Variants in MBD5 observed in about 807,000 individuals in gnomAD.
The protein encoded by MBD5 is methyl-CpG-binding domain protein 5.
Under a neutral mutation model 117.3 loss-of-function variants are expected in MBD5, and 13 were observed. The ratio of observed to expected loss-of-function variants is 0.11; its 90% CI spans 0.07 to 0.18. The LOEUF is 0.18. Ranked by LOEUF, MBD5 falls within the 10% of genes least tolerant of loss-of-function variation. The pLI is 1.00. For synonymous variants in MBD5, 727 were observed against 766.4 expected, an observed-to-expected ratio of 0.95 and a Z score of 0.85; for missense variants, 1,879 against 2,093.8, an observed-to-expected ratio of 0.90 and a Z score of 2.00.
chr2:148,163,473 G>A (rs1192084858), intron 1 of MBD5, among the ~76,000 whole-genome samples: 1 of 152,064 alleles, frequency 6.6e-6, no homozygotes, highest in Non-Finnish European at 1.5e-5. Context: ...CCAGGCTGGA[G>A]TTCAATGGCG....
At chr2:148,300,693 A>G (rs1394477749) in intron 3 of MBD5, among the ~76,000 whole-genome samples, 1 of 152,154 alleles carries the variant, frequency 6.6e-6, no homozygotes, top group Non-Finnish European at 1.5e-5. Flanking sequence ...AATGCCAACT[A>G]CTTACTCTCC....
At chr2:148,290,758 A>C (rs1701482549) in intron 3 of MBD5, among the ~76,000 whole-genome samples, 1 of 152,224 alleles carries the variant, frequency 6.6e-6, no homozygotes, top group Admixed American at 6.5e-5. Flanking sequence ...TTTATTCATC[A>C]ATTGATGAAT....
chr2:148,070,015 C>T (rs1022618127), intron 1 of MBD5, among the ~76,000 whole-genome samples: 1 of 152,094 alleles, frequency 6.6e-6, no homozygotes, highest in Non-Finnish European at 1.5e-5. Context: ...TCACCCTGTT[C>T]GGCTGTGGAC....
intron 3 of MBD5, among the ~76,000 whole-genome samples, chr2:148,331,170 A>C (rs767769270): frequency 6.6e-6 from 1 of 152,196 alleles, no homozygotes; most frequent in Non-Finnish European, 1.5e-5. Context: ...ACAGCAATTC[A>C]TATGCAGCAC....
At chr2:148,412,492 A>C (rs1468480591) in intron 4 of MBD5, among the ~76,000 whole-genome samples, 2 of 152,008 alleles carry the variant, frequency 1.3e-5, no homozygotes, top group Admixed American at 6.6e-5. Flanking sequence ...TAATTCCATG[A>C]AGACTGTCAT....
Position 148,502,416 on chromosome 2 carries a change from G to T in MBD5, c.4963-20G>T, listed in dbSNP as rs199834272. ...TTACAGGTCTGGGTAATGTGGTTTG[G>T]TCTTCATACCTTCACTCAGGTGGAG... On this transcript the variant is annotated intron_variant, in intron 11 of 13. Transcript: ENST00000642680. The T allele has an allele frequency of 6.2e-7, 1 of 1,612,628 alleles. No homozygotes were observed. The highest frequency in any genetic ancestry group is 8.5e-7 in the Non-Finnish European group (1 of 1,178,908).
At chr2:148,084,283 AC>A (rs1695723195) in intron 1 of MBD5, among the ~76,000 whole-genome samples, 1 of 152,234 alleles carries the variant, frequency 6.6e-6, no homozygotes. Flanking sequence ...TTTAATCTTT[AC>A]ATTAGGATTA....
At chr2:148,327,363 C>A (rs899803039) in intron 3 of MBD5, among the ~76,000 whole-genome samples, 7 of 152,128 alleles carry the variant, frequency 4.6e-5, no homozygotes, top group African/African-American at 1.7e-4. Context: ...CTCTGTATTT[C>A]CTGAATCTGA....
chr2:148,201,139 G>A (rs561847654), intron 2 of MBD5, among the ~76,000 whole-genome samples: 1 of 152,278 alleles, frequency 6.6e-6, no homozygotes, highest in African/African-American at 2.4e-5. Flanking sequence ...GACACACCAG[G>A]CCATGCCTGG....
intron 1 of MBD5, among the ~76,000 whole-genome samples, chr2:148,101,078 T>A (rs1696202207): frequency 6.6e-6 from 1 of 152,200 alleles, no homozygotes; most frequent in Non-Finnish European, 1.5e-5. Flanking sequence ...ATAATGTCTT[T>A]GACCTTACTT....
At chr2:148,187,631 G>A (rs1417752633) in intron 2 of MBD5, among the ~76,000 whole-genome samples, 1 of 151,732 alleles carries the variant, frequency 6.6e-6, no homozygotes, top group Non-Finnish European at 1.5e-5. Flanking sequence ...CAAACCAGAA[G>A]ATAATGGAAT....
At chr2:148,468,283 T>A in intron 7 of MBD5, 58 bp from the exon 8 acceptor site, 7 of 1,405,358 alleles carry the variant, frequency 5.0e-6, no homozygotes, top group African/African-American at 1.4e-5. Context: ...CTTCCCTCCC[T>A]CCCACCACAA....
chr2:148,050,851 A>G (rs1470468175), intron 1 of MBD5, among the ~76,000 whole-genome samples: 1 of 152,204 alleles, frequency 6.6e-6, no homozygotes, highest in Non-Finnish European at 1.5e-5. Flanking sequence ...TTTCCTTACT[A>G]TAGTTTTTTT....
At position 148,079,174 on chromosome 2, in the gene MBD5, T is replaced by G. The variant is rs771602622; in HGVS notation, c.-925+57490T>G. On this transcript the variant is annotated intron_variant, in intron 1 of 13. Coordinates refer to ENST00000642680, the MANE Select transcript of MBD5 (RefSeq NM_001378120.1). ...GTGTCTAAAGTTATTCATTGCCACC[T>G]AAGCCAGTGCTAATTCATAAAATGC... is the stretch of plus-strand genomic sequence containing the variant. Among the ~76,000 whole-genome samples, 12 of 152,200 alleles carry G rather than the reference T, an allele frequency of 7.9e-5. 1 individual carries two copies. In the South Asian group the frequency reaches 8.3e-4, roughly 11 times the overall value.
At chr2:148,417,503 A>T (rs1705460077) in intron 4 of MBD5, among the ~76,000 whole-genome samples, 4 of 151,902 alleles carry the variant, frequency 2.6e-5, no homozygotes, top group Admixed American at 2.6e-4. Context: ...CAAATGGTAG[A>T]TCTATGTTTA....
intron 1 of MBD5, chr2:148,055,033 AT>A (rs1694819105): frequency 6.6e-6 from 1 of 152,176 alleles, no homozygotes; most frequent in Non-Finnish European, 1.5e-5. Context: ...AGATAAATAT[AT>A]TTTTATATGT....
chr2:148,196,850 GGTGT>G (rs78006542), intron 2 of MBD5, among the ~76,000 whole-genome samples: 1 of 150,920 alleles, frequency 6.6e-6, no homozygotes, highest in South Asian at 2.1e-4. Context: ...CATTTGCACT[GGTGT>G]GTGTGTGTGT....
intron 4 of MBD5, among the ~76,000 whole-genome samples, chr2:148,384,326 C>T (rs1237248606): frequency 6.6e-6 from 1 of 152,040 alleles, no homozygotes; most frequent in Non-Finnish European, 1.5e-5. Flanking sequence ...AACAGACAAA[C>T]AGAGAGCCAA....
chr2:148,398,910 A>C (rs1574381736), intron 4 of MBD5, among the ~76,000 whole-genome samples: 1 of 152,180 alleles, frequency 6.6e-6, no homozygotes, highest in African/African-American at 2.4e-5. Flanking sequence ...TAAATAGGGA[A>C]TCCTTTCCCC....
Sources: gnomAD v4.1 joint callset for allele counts (sites outside exome capture counted in the v4.1 genomes callset) on GRCh38, gnomAD v4.1.1 for gene constraint, MANE v1.5 for transcripts, NCBI Gene and HGNC (gene_info 2026-07-23, HGNC 2026-07-21) for gene names.